The following ZNF282 variants were observed in gnomAD, a reference collection of about 807,000 sequenced individuals.
ZNF282 encodes the protein HTLV-I U5 repressive element-binding protein 1.
In ZNF282, 30 loss-of-function variants were observed where a neutral mutation model predicts 61.9. That is an observed-to-expected ratio of 0.48 (90% CI 0.36 to 0.66). The LOEUF (loss-of-function observed/expected upper bound fraction) is 0.66, where lower values mean the gene tolerates loss of function less well. Ranked by LOEUF, ZNF282 falls within the 30% of genes least tolerant of loss-of-function variation. The pLI is 0.00. For missense variants in ZNF282, 788 were observed against 941.4 expected, an observed-to-expected ratio of 0.84 and a Z score of 2.13; for synonymous variants, 396 against 405.0, an observed-to-expected ratio of 0.98 and a Z score of 0.27.
intron 4 of ZNF282, among the ~76,000 whole-genome samples, chr7:149,209,058 C>T (rs1284798525): frequency 1.4e-5 from 2 of 147,048 alleles, no homozygotes; most frequent in Non-Finnish European, 3.0e-5. Flanking sequence ...GTGGCTCACG[C>T]CTGTAATCCC....
At chr7:149,223,284 GT>G (rs35217674) in intron 7 of ZNF282, among the ~76,000 whole-genome samples, 39 of 147,372 alleles carry the variant, frequency 2.6e-4, no homozygotes, top group South Asian at 2.6e-3. Flanking sequence ...GAAAAGATTT[GT>G]TTTTTTTTTT....
intron 3 of ZNF282, among the ~76,000 whole-genome samples, 194 bp downstream of exon 3, chr7:149,207,016 G>C (rs1213118803): frequency 6.6e-6 from 1 of 152,146 alleles, no homozygotes; most frequent in African/African-American, 2.4e-5. Flanking sequence ...CCCAGTAACA[G>C]GGCCCATTAC....
chr7:149,205,848 T>A (rs1328499953), intron 2 of ZNF282, among the ~76,000 whole-genome samples: 1 of 151,520 alleles, frequency 6.6e-6, no homozygotes, highest in Non-Finnish European at 1.5e-5. Flanking sequence ...GATTGAGGGG[T>A]CGGATTTCAG....
chr7:149,222,949 T>G (rs906943238), intron 7 of ZNF282, among the ~76,000 whole-genome samples: 3 of 139,160 alleles, frequency 2.2e-5, no homozygotes, highest in African/African-American at 8.1e-5. Flanking sequence ...CCTGGCCTTT[T>G]TAAATTGTAT....
Position 149,218,119 on chromosome 7 carries a change from A to AAAGAG in ZNF282, c.1180+4306_1180+4307insAGAGA, listed in dbSNP as rs1554471224. ...CCCTGTCTCAGAAAAAAAAAAAAAA[A>AAAGAG]AGAGAGAGAGAGAGACTAATAAAGG... On this transcript the variant is annotated intron_variant, in intron 7 of 7. Transcript: ENST00000610704. Among the ~76,000 whole-genome samples the AAAGAG allele has an allele frequency of 2.7e-3, 408 of 149,908 alleles. 2 individuals are homozygous for AAAGAG. The highest frequency in any genetic ancestry group is 9.4e-3 in the African/African-American group (377 of 40,262).
Position 149,224,195 on chromosome 7 carries a change from G to A in ZNF282, c.1564G>A (p.Glu522Lys). Residue 522 changes from glutamate to lysine, a missense_variant, in exon 8 of 8, where the codon GAG becomes AAG. By Grantham distance (56) the Glu-to-Lys change is moderately conservative (BLOSUM62 1). This residue lies in a region of ZNF282 where 559 missense variants were observed against 642.0 expected (regional missense o/e 0.87). Coordinates refer to ENST00000610704, the MANE Select transcript of ZNF282 (RefSeq NM_003575.4). ...CCGCAGCAAGCCCTACTCGTGCCCC[G>A]AGTGCGGCAAGAGCTTCGGCGTGCG... ...GARSKPYSCP[E>K]CGKSFGVRKS... 1 of 1,605,878 alleles carries A rather than the reference G, an allele frequency of 6.2e-7. No homozygotes were observed. Among genetic ancestry groups the A allele is most frequent in the East Asian group, 2.2e-5 (1 of 44,856 alleles).
chr7:149,198,570 G>A lies in ZNF282; in HGVS notation c.403G>A (p.Asp135Asn). The change falls in exon 2 of 8, where the codon GAC becomes AAC. Residue 135 changes from aspartate (D) to asparagine (N), a missense_variant. Transcript: ENST00000610704. The surrounding 1 kb of genome is among the most constrained non-coding windows in gnomAD (Gnocchi z 4.3). ...RTGTAEKKLA[D>N]CEKTAVEFGN... The stretch of plus-strand genomic sequence containing the variant: ...GGGGACAGCCGAGAAGAAGCTGGCC[G>A]ACTGTGAAAAGACGGCCGTGGAATT... The A allele has an allele frequency of 3.1e-6, 5 of 1,614,212 alleles. No individual in the cohort carries two copies. Among genetic ancestry groups the A allele is most frequent in the South Asian group, 1.1e-5 (1 of 91,084 alleles).
intron 1 of ZNF282, among the ~76,000 whole-genome samples, chr7:149,197,288 G>A (rs1795833290): frequency 6.6e-6 from 1 of 152,162 alleles, no homozygotes; most frequent in Non-Finnish European, 1.5e-5. Flanking sequence ...GGTCCTCTTG[G>A]GTGTGAGGGA....
In ZNF282 at chr7:149,198,963, C is replaced by G. The variant is rs951645215; in HGVS notation, c.585+211C>G. Among the ~76,000 whole-genome samples, 1 of 152,226 alleles carries G rather than the reference C, an allele frequency of 6.6e-6. No homozygotes were observed. The highest frequency in any genetic ancestry group is 2.4e-5 in the African/African-American group (1 of 41,460). ...CACTCCATTCATTCCCCACAGTCTG[C>G]ATTTCTGTCTGGGAGCCTTTGCTCT... On this transcript the variant is annotated intron_variant, in intron 2 of 7. Coordinates refer to ENST00000610704, the MANE Select transcript of ZNF282 (RefSeq NM_003575.4). The surrounding 1 kb of genome is among the most constrained non-coding windows in gnomAD (Gnocchi z 4.3).
chr7:149,210,993 A>G (rs1360379565), intron 5 of ZNF282, among the ~76,000 whole-genome samples: 2 of 152,210 alleles, frequency 1.3e-5, no homozygotes, highest in African/African-American at 4.8e-5. Flanking sequence ...TTTAGAAACA[A>G]TATCCTGGCA....
At chr7:149,211,283 G>A (rs1796080645) in intron 5 of ZNF282, among the ~76,000 whole-genome samples, 2 of 152,174 alleles carry the variant, frequency 1.3e-5, no homozygotes, top group African/African-American at 4.8e-5. Context: ...GGAAAAGAGA[G>A]ATTTATTTTA....
intron 2 of ZNF282, among the ~76,000 whole-genome samples, chr7:149,204,571 A>G (rs998430411): frequency 1.3e-5 from 2 of 152,158 alleles, no homozygotes; most frequent in African/African-American, 2.4e-5. Context: ...GGTGAAGGGC[A>G]CATACCGTCG....
chr7:149,224,094 C>A lies in ZNF282; in HGVS notation c.1463C>A (p.Ala488Glu). Residue 488 changes from alanine (A) to glutamate (E), a missense_variant, in exon 8 of 8, where the codon GCG becomes GAG. By Grantham distance (107) the Ala-to-Glu change is moderately radical. Coordinates refer to ENST00000610704, the MANE Select transcript of ZNF282 (RefSeq NM_003575.4). ...DGGGGGGGAE[A>E]GTGAGGGCGS... ...GGCGGTGGGGGCGGCGGCGCGGAGG[C>A]GGGGACGGGGGCAGGCGGCGGCTGT... 2 of 1,350,824 alleles carry A rather than the reference C, an allele frequency of 1.5e-6. No homozygotes were observed. The highest frequency in any genetic ancestry group is 1.9e-6 in the Non-Finnish European group (2 of 1,054,996). 83.7% of individuals were successfully genotyped at this position (1,350,824 alleles called of 1,614,324 possible). A position where few individuals can be genotyped will look rare whatever the true frequency, so the allele number is the denominator to read the frequency against.
At chr7:149,215,513 G>C (rs1305760421) in intron 7 of ZNF282, among the ~76,000 whole-genome samples, 11 of 152,148 alleles carry the variant, frequency 7.2e-5, no homozygotes, top group Admixed American at 5.9e-4. Context: ...CTGACATCTT[G>C]AAGGAGCTTA....
rs1325639608 is a variant in ZNF282 at position 149,224,286 on chromosome 7, A to G, written c.1655A>G (p.Glu552Gly). 6 of 1,612,804 alleles carry G rather than the reference A, an allele frequency of 3.7e-6. No individual in the cohort carries two copies. In the South Asian group the frequency reaches 6.6e-5, roughly 18 times the overall value. Residue 552 changes from glutamate (E) to glycine (G), a missense_variant, in exon 8 of 8, where the codon GAG (glutamate) becomes GGG (glycine). Around this residue, in one of 3 missense-constraint regions of ZNF282, gnomAD observed 559 missense variants for 642.0 expected, o/e 0.87. Coordinates refer to ENST00000610704, the MANE Select transcript of ZNF282 (RefSeq NM_003575.4). Reference protein sequence around the residue: ...KERPYECAECEKSFNCHSGLI... With the variant: ...KERPYECAECGKSFNCHSGLI... ...CGGCCCTACGAGTGCGCTGAGTGCG[A>G]GAAGAGCTTCAACTGCCACTCGGGC...
In ZNF282 at chr7:149,198,761, T is replaced by C; in HGVS notation, c.585+9T>C. 2.5e-6 allele frequency: 4 copies of C among 1,609,752 alleles called. No individual in the cohort carries two copies. Among genetic ancestry groups the C allele is most frequent in the Non-Finnish European group, 2.5e-6 (3 of 1,178,002 alleles). On this transcript the variant is annotated intron_variant, in intron 2 of 7. Transcript: ENST00000610704. The surrounding 1 kb of genome is among the most constrained non-coding windows in gnomAD (Gnocchi z 4.3). ...AGGGGGAGGCCCCCAAGGTATGTGGTGGTCCCTGGGGCAGGGATAGAGGTG... is the reference window on the plus strand; with the variant it reads ...AGGGGGAGGCCCCCAAGGTATGTGGCGGTCCCTGGGGCAGGGATAGAGGTG...
At chr7:149,215,735 G>C (rs1354269841) in intron 7 of ZNF282, among the ~76,000 whole-genome samples, 1 of 152,226 alleles carries the variant, frequency 6.6e-6, no homozygotes, top group African/African-American at 2.4e-5. Flanking sequence ...CTGGCTTGGT[G>C]GGATGAGATG....
At chr7:149,199,425 C>T (rs1042029503) in intron 2 of ZNF282, among the ~76,000 whole-genome samples, 1 of 151,870 alleles carries the variant, frequency 6.6e-6, no homozygotes, top group Non-Finnish European at 1.5e-5. Flanking sequence ...TCACCCCCAG[C>T]GTCTCTCTCC....
intron 5 of ZNF282, 56 bp from the exon 6 acceptor site, chr7:149,212,302 C>T: frequency 8.1e-7 from 1 of 1,230,508 alleles, no homozygotes. Flanking sequence ...AAAACACAAA[C>T]TTGCAGGAGA....
Sources: gnomAD v4.1 joint callset for allele counts (sites outside exome capture counted in the v4.1 genomes callset) on GRCh38, gnomAD v4.1.1 for gene constraint, gnomAD v4.1.1 regional missense constraint, Gnocchi (gnomAD v3.1) non-coding constraint, MANE v1.5 for transcripts, NCBI Gene and HGNC (gene_info 2026-07-23, HGNC 2026-07-21) for gene names.